Variants in CSTPP1 observed in about 807,000 individuals in gnomAD.
CSTPP1 encodes the protein centriolar satellite-associated tubulin polyglutamylase complex regulator 1.
At chr11:46,970,746 T>C in the CSTPP1 span, among the ~76,000 whole-genome samples, 1 of 152,056 alleles carries the variant, frequency 6.6e-6, no homozygotes. Flanking sequence ...TAATATGATA[T>C]GTACAGAAAA....
chr11:47,093,681 T>G, the CSTPP1 span, among the ~76,000 whole-genome samples: 7 of 152,198 alleles, frequency 4.6e-5, no homozygotes, highest in Non-Finnish European at 7.3e-5. Flanking sequence ...TGGTCTTGGG[T>G]AAGTTCCTTA....
the CSTPP1 span, among the ~76,000 whole-genome samples, chr11:47,089,048 T>C: frequency 6.6e-6 from 1 of 152,184 alleles, no homozygotes; most frequent in African/African-American, 2.4e-5. Context: ...TTTCTGAGTG[T>C]CCTTTTCTCA....
chr11:47,035,451 G>T, the CSTPP1 span, among the ~76,000 whole-genome samples: 420 of 152,316 alleles, frequency 2.8e-3, 2 homozygotes, highest in African/African-American at 9.4e-3. Context: ...AACTGCCCAT[G>T]CAGAGATGAT....
At chr11:47,162,038 C>A in the CSTPP1 span, 1 of 997,742 alleles carries the variant, frequency 1.0e-6, no homozygotes, top group African/African-American at 1.7e-5. Context: ...CCACGCAGGG[C>A]CTTGCACCAT....
the CSTPP1 span, among the ~76,000 whole-genome samples, chr11:47,018,740 A>G: frequency 6.6e-6 from 1 of 152,276 alleles, no homozygotes; most frequent in Admixed American, 6.5e-5. Context: ...AACTATTCTA[A>G]TAGGTATCTC....
chr11:47,155,160 T>C, the CSTPP1 span: 1 of 1,598,348 alleles, frequency 6.3e-7, no homozygotes, highest in Non-Finnish European at 8.6e-7. Flanking sequence ...TCTCAGATTC[T>C]CTCTTTCCCC....
chr11:47,023,990 T>C, the CSTPP1 span, among the ~76,000 whole-genome samples: 1 of 152,194 alleles, frequency 6.6e-6, no homozygotes, highest in African/African-American at 2.4e-5. Flanking sequence ...TACTGAATTA[T>C]ATGGTAATTC....
chr11:47,001,194 C>G, the CSTPP1 span, among the ~76,000 whole-genome samples: 1 of 152,216 alleles, frequency 6.6e-6, no homozygotes, highest in Non-Finnish European at 1.5e-5. Flanking sequence ...TTTGTTGCTA[C>G]TGAGAATGGA....
At chr11:47,085,004 C>T in the CSTPP1 span, among the ~76,000 whole-genome samples, 1 of 151,658 alleles carries the variant, frequency 6.6e-6, no homozygotes. Flanking sequence ...GACCAACATG[C>T]CCCTGACCAA....
At chr11:46,950,310 A>C in the CSTPP1 span, among the ~76,000 whole-genome samples, 1 of 151,188 alleles carries the variant, frequency 6.6e-6, no homozygotes, top group Admixed American at 6.6e-5. Flanking sequence ...AGTAGCTAGG[A>C]CTACAGGCGC....
the CSTPP1 span, among the ~76,000 whole-genome samples, chr11:47,093,187 A>AGT: frequency 6.6e-6 from 1 of 152,190 alleles, no homozygotes; most frequent in South Asian, 2.1e-4. Context: ...GGGAGATATA[A>AGT]GTGTAATAAA....
At chr11:46,992,487 T>G in the CSTPP1 span, among the ~76,000 whole-genome samples, 2 of 149,064 alleles carry the variant, frequency 1.3e-5, no homozygotes. Flanking sequence ...GAACATGCGG[T>G]GTTTGGTTTT....
At chr11:47,034,315 G>A in the CSTPP1 span, among the ~76,000 whole-genome samples, 1 of 152,018 alleles carries the variant, frequency 6.6e-6, no homozygotes, top group Non-Finnish European at 1.5e-5. Context: ...GATAAGGGCA[G>A]TCCTAATCAT....
At chr11:47,158,499 G>A in the CSTPP1 span, among the ~76,000 whole-genome samples, 6 of 152,056 alleles carry the variant, frequency 3.9e-5, no homozygotes, top group African/African-American at 9.7e-5. Context: ...TAAGAGAAGA[G>A]CCAGTAAGCC....
the CSTPP1 span, among the ~76,000 whole-genome samples, chr11:47,127,766 C>A: frequency 6.6e-6 from 1 of 152,136 alleles, no homozygotes; most frequent in Non-Finnish European, 1.5e-5. Flanking sequence ...ACCATTATTA[C>A]TATTATTCAC....
the CSTPP1 span, among the ~76,000 whole-genome samples, chr11:46,961,203 A>G: frequency 6.6e-6 from 1 of 152,146 alleles, no homozygotes; most frequent in African/African-American, 2.4e-5. Context: ...TGAGGGTTCT[A>G]ATTTCTCCAT....
the CSTPP1 span, among the ~76,000 whole-genome samples, chr11:47,147,339 A>G: frequency 6.6e-6 from 1 of 152,200 alleles, no homozygotes. Flanking sequence ...GCTCTCACCA[A>G]TGATGGCCTG....
At chr11:47,030,432 C>T in the CSTPP1 span, among the ~76,000 whole-genome samples, 2 of 152,144 alleles carry the variant, frequency 1.3e-5, no homozygotes, top group Non-Finnish European at 2.9e-5. Context: ...GGTCCTCTTG[C>T]CCATGTCTTT....
the CSTPP1 span, among the ~76,000 whole-genome samples, chr11:47,075,790 T>G: frequency 6.6e-6 from 1 of 151,796 alleles, no homozygotes. Flanking sequence ...TGATGGCAGG[T>G]GCCTGTAATC....
Sources: gnomAD v4.1 joint callset for allele counts (sites outside exome capture counted in the v4.1 genomes callset) on GRCh38, gnomAD v4.1.1 for gene constraint, MANE v1.5 for transcripts, NCBI Gene and HGNC (gene_info 2026-07-23, HGNC 2026-07-21) for gene names.